MAST4: variants seen among roughly 807,000 people sequenced by gnomAD.
The protein encoded by MAST4 is microtubule-associated serine/threonine-protein kinase 4.
A neutral mutation model predicts 162.7 loss-of-function variants in MAST4; 89 were observed. That is an observed-to-expected ratio of 0.55 (90% CI 0.46 to 0.65). The LOEUF (loss-of-function observed/expected upper bound fraction) is 0.65, where lower values mean the gene tolerates loss of function less well. Among genes scored for constraint, MAST4 ranks in the 30% least tolerant of loss-of-function variants. MAST4 has a pLI of 0.00. For synonymous variants in MAST4, 1,479 were observed against 1,361.1 expected (o/e 1.09, Z -1.91); for missense variants, 3,153 against 3,374.0 (o/e 0.93, Z 1.62).
intron 1 of MAST4, among the ~76,000 whole-genome samples, chr5:66,674,483 C>T (rs1747823923): frequency 6.6e-6 from 1 of 152,120 alleles, no homozygotes; most frequent in Admixed American, 6.5e-5. Flanking sequence ...GTTAAAGAGA[C>T]TGATAAGATG....
intron 3 of MAST4, among the ~76,000 whole-genome samples, chr5:66,855,636 G>A (rs17281154): frequency 0.055 from 8,440 of 152,220 alleles, 348 homozygotes; most frequent in Non-Finnish European, 0.087. Flanking sequence ...TGGGCAACGG[G>A]AATGTCATTT....
intron 5 of MAST4, among the ~76,000 whole-genome samples, chr5:67,083,856 G>A (rs79210865): frequency 0.021 from 3,269 of 152,232 alleles, 123 homozygotes; most frequent in African/African-American, 0.075. Context: ...TGCTAGGAAG[G>A]TGAATTACTG....
At chr5:66,841,011 C>T (rs75659268) in intron 3 of MAST4, among the ~76,000 whole-genome samples, 1,673 of 152,246 alleles carry the variant, frequency 0.011, 32 homozygotes, top group African/African-American at 0.037. Context: ...TGAATGTTGG[C>T]CCACCACTTA....
chr5:67,132,525 A>G (rs147278072), intron 16 of MAST4, among the ~76,000 whole-genome samples: 3 of 152,224 alleles, frequency 2.0e-5, no homozygotes, highest in South Asian at 2.1e-4. Flanking sequence ...TCCTACTCCA[A>G]GATGAAGTGC....
intron 12 of MAST4, among the ~76,000 whole-genome samples, chr5:67,115,860 G>T (rs1766837654): frequency 6.6e-6 from 1 of 151,916 alleles, no homozygotes. Flanking sequence ...ATTTAAAACA[G>T]AACCATCTTT....
intron 3 of MAST4, among the ~76,000 whole-genome samples, chr5:66,798,968 C>CT (rs879471600): frequency 3.9e-5 from 6 of 152,116 alleles, no homozygotes; most frequent in Non-Finnish European, 8.8e-5. Context: ...TTTGTACCCC[C>CT]TTTTTATAAA....
chr5:66,797,366 T>G (rs1755700814), intron 3 of MAST4, among the ~76,000 whole-genome samples: 1 of 152,220 alleles, frequency 6.6e-6, no homozygotes, highest in African/African-American at 2.4e-5. Flanking sequence ...TCATTATGTT[T>G]CCTATCTTGC....
chr5:67,077,636 T>C (rs1331447238), intron 5 of MAST4, among the ~76,000 whole-genome samples: 1 of 152,194 alleles, frequency 6.6e-6, no homozygotes, highest in Non-Finnish European at 1.5e-5. Flanking sequence ...TCACTTTACT[T>C]AAGTGTGTCT....
rs781728816 is a variant in MAST4, at chr5:67,163,604, G to T, written c.4425G>T (p.Val1475=). 4 of 1,600,120 alleles carry T rather than the reference G, an allele frequency of 2.5e-6. No homozygotes were observed. Among genetic ancestry groups the T allele is most frequent in the Non-Finnish European group, 3.4e-6 (4 of 1,174,016 alleles). ...KHSLEVTQEE[V]QREQSQREAP... ...GCCTGGAGGTGACCCAAGAGGAGGTGCAGCGGGAGCAGTCCCAGCGGGAGG... is the reference window on the plus strand; with the variant it reads ...GCCTGGAGGTGACCCAAGAGGAGGTTCAGCGGGAGCAGTCCCAGCGGGAGG... Residue 1475 remains valine (V), a synonymous_variant, in exon 29 of 29, where the codon GTG becomes GTT. Coordinates refer to ENST00000403625, the MANE Select transcript of MAST4 (RefSeq NM_001164664.2). The surrounding 1 kb of genome is among the most constrained non-coding windows in gnomAD (Gnocchi z 7.0).
chr5:66,996,328 G>A (rs1014927799), intron 4 of MAST4, among the ~76,000 whole-genome samples: 3 of 151,714 alleles, frequency 2.0e-5, no homozygotes, highest in South Asian at 2.1e-4. Flanking sequence ...GTTTTTATTC[G>A]TATATAACCA....
chr5:67,081,658 A>C (rs1329141958), intron 5 of MAST4, among the ~76,000 whole-genome samples: 1 of 152,202 alleles, frequency 6.6e-6, no homozygotes, highest in African/African-American at 2.4e-5. Context: ...ACCACTATGT[A>C]ATATATCTCT....
chr5:66,865,067 A>G (rs1457533981), intron 3 of MAST4, among the ~76,000 whole-genome samples: 2 of 152,226 alleles, frequency 1.3e-5, no homozygotes, highest in Non-Finnish European at 2.9e-5. Flanking sequence ...TGAGACAGTA[A>G]TGTTGACTCC....
At position 67,164,568 on chromosome 5, in the gene MAST4, T is replaced by C. The variant is rs776056375; in HGVS notation, c.5389T>C (p.Cys1797Arg). 1.2e-6 allele frequency: 2 copies of C among 1,614,030 alleles called. No individual in the cohort carries two copies. Among genetic ancestry groups the C allele is most frequent in the South Asian group, 2.2e-5 (2 of 91,086 alleles). Reference protein sequence around the residue: ...EYKLEGRSVSCLKPIEGTLDI... With the variant: ...EYKLEGRSVSRLKPIEGTLDI... ...TAAGCTGGAAGGTAGGTCTGTCTCA[T>C]GCCTGAAGCCGATCGAGGGCACTCT... Residue 1797 changes from cysteine to arginine, a missense_variant, in exon 29 of 29, where the codon TGC becomes CGC. This residue lies in a region of MAST4 where 1,644 missense variants were observed against 1,495.0 expected (regional missense o/e 1.10). Coordinates refer to ENST00000403625, the MANE Select transcript of MAST4 (RefSeq NM_001164664.2). This position sits in a 1 kb window ranked among gnomAD's most constrained non-coding sequence, Gnocchi z 5.3.
At chr5:66,996,699 C>T (rs997541521) in intron 4 of MAST4, among the ~76,000 whole-genome samples, 1 of 152,122 alleles carries the variant, frequency 6.6e-6, no homozygotes, top group African/African-American at 2.4e-5. Context: ...ATCTTCAGGC[C>T]CAGCAGCCTA....
intron 6 of MAST4, among the ~76,000 whole-genome samples, chr5:67,094,630 G>T (rs1764232569): frequency 6.6e-6 from 1 of 151,900 alleles, no homozygotes; most frequent in African/African-American, 2.4e-5. Context: ...GCACAGTCTT[G>T]CGTTTAAAGT....
rs1237562143 is a variant in MAST4, at chr5:66,759,723, A to T, written c.378A>T (p.Leu126Phe). 2.5e-6 allele frequency: 4 copies of T among 1,613,820 alleles called. No homozygotes were observed. The highest frequency in any genetic ancestry group is 3.4e-6 in the Non-Finnish European group (4 of 1,179,826). Residue 126 changes from leucine (L) to phenylalanine (F), a missense_variant, in exon 2 of 29, where the codon TTA (leucine) becomes TTT (phenylalanine). By Grantham distance (22) the Leu-to-Phe change is conservative (BLOSUM62 0). Transcript: ENST00000403625. ...TCTTTCTGCAGCTTGACCACATATTATCCCCTCCACCCATGCCGTTTCGGA... is the reference window on the plus strand; with the variant it reads ...TCTTTCTGCAGCTTGACCACATATTTTCCCCTCCACCCATGCCGTTTCGGA... ...EEQDEELDHI[L>F]SPPPMPFRKC...
intron 4 of MAST4, among the ~76,000 whole-genome samples, chr5:67,052,299 G>C (rs1295865777): frequency 6.6e-6 from 1 of 152,044 alleles, no homozygotes; most frequent in African/African-American, 2.4e-5. Context: ...AAATCTGTTT[G>C]TATATTGACC....
intron 3 of MAST4, among the ~76,000 whole-genome samples, chr5:66,858,570 C>T (rs1317298363): frequency 2.6e-5 from 4 of 152,200 alleles, no homozygotes; most frequent in Non-Finnish European, 5.9e-5. Flanking sequence ...GATTTAACAA[C>T]TGCAGTTTTG....
At chr5:66,893,249 A>G (rs1192496680) in intron 3 of MAST4, among the ~76,000 whole-genome samples, 1 of 152,100 alleles carries the variant, frequency 6.6e-6, no homozygotes, top group African/African-American at 2.4e-5. Flanking sequence ...TCTTTAGCCC[A>G]GGCTGGAGTG....
Sources: gnomAD v4.1 joint callset for allele counts (sites outside exome capture counted in the v4.1 genomes callset) on GRCh38, gnomAD v4.1.1 for gene constraint, gnomAD v4.1.1 regional missense constraint, Gnocchi (gnomAD v3.1) non-coding constraint, MANE v1.5 for transcripts, NCBI Gene and HGNC (gene_info 2026-07-23, HGNC 2026-07-21) for gene names.